ZNF516: variants seen among roughly 807,000 people sequenced by gnomAD.
The protein encoded by ZNF516 is zinc finger protein 516.
ZNF516 carries 19 observed loss-of-function variants against 79.7 expected under a neutral mutation model. The observed-to-expected ratio is 0.24, with a 90% confidence interval of 0.17 to 0.35. The LOEUF (loss-of-function observed/expected upper bound fraction) is 0.35. Among genes scored for constraint, ZNF516 ranks in the 10% least tolerant of loss-of-function variants. The probability of loss-of-function intolerance (pLI) is 1.00; values close to 1 mark genes in which losing one functional copy is unlikely to be tolerated. For synonymous variants in ZNF516, 877 were observed against 739.5 expected (o/e 1.19, Z -3.02); for missense variants, 1,678 against 1,679.5 (o/e 1.00, Z 0.02).
At chr18:76,383,035 CAAAAAAAAAAAAAA>C (rs772423972) in intron 3 of ZNF516, among the ~76,000 whole-genome samples, 2 of 49,802 alleles carry the variant, frequency 4.0e-5, no homozygotes, top group East Asian at 5.8e-4. Context: ...GACTCTGTCT[CAAAAAAAAAAAAAA>C]AAAAAAAAAA....
chr18:76,415,113 G>C (rs971926888), intron 3 of ZNF516, among the ~76,000 whole-genome samples: 1 of 152,156 alleles, frequency 6.6e-6, no homozygotes, highest in Non-Finnish European at 1.5e-5. Flanking sequence ...CAGCAGAATT[G>C]TACGAACCCA....
intron 4 of ZNF516, among the ~76,000 whole-genome samples, chr18:76,373,333 AAAGAAAAGG>A (rs1297796279): frequency 1.3e-5 from 2 of 151,654 alleles, no homozygotes; most frequent in Non-Finnish European, 2.9e-5. Flanking sequence ...AGAAGGAAGT[AAAGAAAAGG>A]AAGGAAAGGA....
intron 6 of ZNF516, among the ~76,000 whole-genome samples, chr18:76,370,209 C>A (rs557340150): frequency 6.6e-6 from 1 of 152,342 alleles, no homozygotes; most frequent in Non-Finnish European, 1.5e-5. Context: ...AGCAAACTCA[C>A]ATCCAAAACC....
intron 3 of ZNF516, among the ~76,000 whole-genome samples, chr18:76,441,034 C>T (rs994090972): frequency 6.6e-6 from 1 of 152,102 alleles, no homozygotes; most frequent in Non-Finnish European, 1.5e-5. Context: ...GTGTGGGGGA[C>T]CCTGGGCACA....
chr18:76,363,406 T>C lies in ZNF516; in HGVS notation c.3433-849A>G, dbSNP rs565732375. 5.3e-5 allele frequency among the ~76,000 whole-genome samples: 8 copies of C among 152,216 alleles called. No homozygotes were observed. In the East Asian group the frequency reaches 1.5e-3, roughly 29 times the overall value. On this transcript the variant is annotated intron_variant, in intron 6 of 6. Transcript: ENST00000443185. ...GAAATAATGGCGGAGTGGGGGAAGG[T>C]CTGGTTGACATAATGAATTAAGGGC...
intron 3 of ZNF516, among the ~76,000 whole-genome samples, chr18:76,390,421 C>G (rs1360438229): frequency 6.6e-6 from 1 of 152,216 alleles, no homozygotes; most frequent in Non-Finnish European, 1.5e-5. Context: ...CAGCCCAACA[C>G]ACACACCTGT....
chr18:76,465,401 C>A (rs891814400), intron 1 of ZNF516, among the ~76,000 whole-genome samples: 1 of 152,174 alleles, frequency 6.6e-6, no homozygotes. Context: ...AGAAAGAGGC[C>A]TTTTTAAAAA....
Position 76,379,496 on chromosome 18 carries a change from C to T in ZNF516, c.2618G>A (p.Gly873Asp), listed in dbSNP as rs566091019. 2 of 1,613,748 alleles carry T rather than the reference C, an allele frequency of 1.2e-6. No individual in the cohort carries two copies. Among genetic ancestry groups the T allele is most frequent in the Admixed American group, 1.7e-5 (1 of 60,036 alleles). ...GCCGGGCGCCCACAGAGCGCAGGGA[C>T]CTCCGGAATGGCTCTCCTTATTCTT... ...MPKNKESHSG[G>D]PCALWAPGPD... The change falls in exon 4 of 7, where the codon GGT (glycine) becomes GAT (aspartate). Residue 873 changes from glycine to aspartate, a missense_variant. Transcript: ENST00000443185.
rs1809379754 is a variant in ZNF516 at position 76,379,950 on chromosome 18, C to A, written c.2164G>T (p.Gly722Trp). Residue 722 changes from glycine to tryptophan, a missense_variant, in exon 4 of 7, where the codon GGG (glycine) becomes TGG (tryptophan). Physicochemically the swap from Gly to Trp is radical, Grantham distance 184 (BLOSUM62 -2). This residue lies in a region of ZNF516 where 1,294 missense variants were observed against 1,248.3 expected (regional missense o/e 1.04). Transcript: ENST00000443185. The stretch of plus-strand genomic sequence containing the variant: ...AGGTCTGGGGCCAGCGCCCGCTTCC[C>A]TCCCCCAGAGTGTTCCTTGTTGTGC... ...DLHNKEHSGG[G>W]KRALAPDLMP... 1 of 1,613,894 alleles carries A rather than the reference C, an allele frequency of 6.2e-7. No homozygotes were observed. Among genetic ancestry groups the A allele is most frequent in the South Asian group, 1.1e-5 (1 of 91,092 alleles).
chr18:76,467,401 G>A lies in ZNF516; in HGVS notation c.-271-4260C>T, dbSNP rs963506450. On this transcript the variant is annotated intron_variant, in intron 1 of 6. Coordinates refer to ENST00000443185, the MANE Select transcript of ZNF516 (RefSeq NM_014643.4). The surrounding 1 kb of genome is among the most constrained non-coding windows in gnomAD (Gnocchi z 4.2). ...TCTGGGCTGGCAGGAAGTCCTGCGT[G>A]TCTCTTGTCCCAGAGAGGAAATGAT... Among the ~76,000 whole-genome samples the A allele has an allele frequency of 1.3e-5, 2 of 152,072 alleles. No individual in the cohort carries two copies. The highest frequency in any genetic ancestry group is 2.9e-5 in the Non-Finnish European group (2 of 68,006).
chr18:76,407,581 C>A (rs917534873), intron 3 of ZNF516, among the ~76,000 whole-genome samples: 3 of 152,220 alleles, frequency 2.0e-5, no homozygotes, highest in African/African-American at 7.2e-5. Context: ...CCTCTGAACA[C>A]AAGCCATGCC....
intron 4 of ZNF516, among the ~76,000 whole-genome samples, chr18:76,375,906 T>C (rs890737096): frequency 1.1e-4 from 15 of 133,102 alleles, no homozygotes; most frequent in Non-Finnish European, 1.9e-4. Context: ...AGGTAGAGGA[T>C]GGATGGGAAG....
rs568428749 is a variant in ZNF516, at chr18:76,433,772, G to A, written c.1810+7473C>T. 4.6e-5 allele frequency among the ~76,000 whole-genome samples: 7 copies of A among 152,304 alleles called. No homozygotes were observed. The East Asian group carries it at 1.2e-3, about 25-fold the overall frequency. Reference sequence around the variant, plus strand: ...GAATCGAGAAAGGATGGGCTTAGTCGCAGCACATCACGGATACAGGAGGGC... The same window carrying A: ...GAATCGAGAAAGGATGGGCTTAGTCACAGCACATCACGGATACAGGAGGGC... On this transcript the variant is annotated intron_variant, in intron 3 of 6. Transcript: ENST00000443185.
intron 1 of ZNF516, among the ~76,000 whole-genome samples, chr18:76,469,116 G>A (rs1298848573): frequency 6.6e-6 from 1 of 152,144 alleles, no homozygotes; most frequent in African/African-American, 2.4e-5. Flanking sequence ...GTTTAGCTCT[G>A]TACGCCTGAA....
intron 2 of ZNF516, among the ~76,000 whole-genome samples, chr18:76,453,876 C>G (rs1013123267): frequency 3.3e-5 from 5 of 152,148 alleles, no homozygotes; most frequent in Non-Finnish European, 5.9e-5. Flanking sequence ...TACAAATAAG[C>G]TGTATATACT....
chr18:76,466,344 C>T (rs1913466864), intron 1 of ZNF516, among the ~76,000 whole-genome samples: 1 of 151,886 alleles, frequency 6.6e-6, no homozygotes, highest in Non-Finnish European at 1.5e-5. Context: ...GTCTCAGGAC[C>T]TCCTGCCCCT....
At chr18:76,441,224 C>T (rs1458231879) in intron 3 of ZNF516, 21 bp downstream of exon 3, 2 of 1,601,140 alleles carry the variant, frequency 1.2e-6, no homozygotes, top group Non-Finnish European at 1.7e-6. Context: ...GGACCCAGGC[C>T]ACCTGGGTAC....
chr18:76,371,417 A>C, intron 5 of ZNF516, 50 bp downstream of exon 5: 1 of 1,521,638 alleles, frequency 6.6e-7, no homozygotes, highest in Non-Finnish European at 8.9e-7. Context: ...GACAGAAGAG[A>C]CCCCTCTTCC....
Position 76,442,502 on chromosome 18 carries a change from G to A in ZNF516, c.553C>T (p.Arg185Cys), listed in dbSNP as rs1238657005. 1.2e-6 allele frequency: 2 copies of A among 1,601,720 alleles called. No homozygotes were observed. The highest frequency in any genetic ancestry group is 1.7e-6 in the Non-Finnish European group (2 of 1,179,604). ...QCSFCKSQFE[R>C]KKDLELHVHQ... Reference sequence around the variant, plus strand: ...ACGTGCAGCTCCAGGTCCTTCTTACGCTCGAACTGGCTCTTGCAGAAGGAG... The same window carrying A: ...ACGTGCAGCTCCAGGTCCTTCTTACACTCGAACTGGCTCTTGCAGAAGGAG... The change falls in exon 3 of 7, where the codon CGT becomes TGT. Residue 185 changes from arginine to cysteine, a missense_variant. Arg to Cys is a radical substitution (Grantham distance 180). Around this residue, in one of 5 missense-constraint regions of ZNF516, gnomAD observed 279 missense variants for 254.1 expected, o/e 1.10. Coordinates refer to ENST00000443185, the MANE Select transcript of ZNF516 (RefSeq NM_014643.4).
Sources: allele counts gnomAD v4.1 joint callset (sites outside exome capture counted in the v4.1 genomes callset), GRCh38; gene constraint gnomAD v4.1.1; regional missense constraint gnomAD v4.1.1; non-coding constraint Gnocchi (gnomAD v3.1); transcripts MANE v1.5; gene names NCBI Gene and HGNC (gene_info 2026-07-23, HGNC 2026-07-21).